DLG2: variants seen among roughly 807,000 people sequenced by gnomAD.
The protein encoded by DLG2 is disks large homolog 2.
A neutral mutation model predicts 132.5 loss-of-function variants in DLG2; 45 were observed. The observed-to-expected ratio is 0.34, with a 90% CI of 0.27 to 0.44. The LOEUF (loss-of-function observed/expected upper bound fraction) is 0.44, where lower values mean the gene tolerates loss of function less well. Ranked by LOEUF, DLG2 falls within the 20% of genes least tolerant of loss-of-function variation. The pLI, the probability that DLG2 is intolerant of heterozygous loss-of-function variation, is 1.00. For synonymous variants in DLG2, 424 were observed against 419.6 expected (o/e 1.01, Z -0.13); for missense variants, 1,045 against 1,196.9 (o/e 0.87, Z 1.87).
rs189631839 is a variant in DLG2, at chr11:85,275,062, T to C, written c.186+10158A>G. ...AGGCTCCTATATCACATGAAAATTT[T>C]ATCAAATAAATTTGTATGCCTTTTC... On this transcript the variant is annotated intron_variant, in intron 4 of 27. Transcript: ENST00000376104. 1.4e-4 allele frequency among the ~76,000 whole-genome samples: 21 copies of C among 152,326 alleles called. 1 individual carries two copies. The highest frequency in any genetic ancestry group is 4.1e-4 in the African/African-American group (17 of 41,580).
chr11:83,552,164 A>C (rs1198120739), intron 19 of DLG2, among the ~76,000 whole-genome samples: 2 of 152,180 alleles, frequency 1.3e-5, no homozygotes, highest in African/African-American at 4.8e-5. Context: ...ATAGGTTAGG[A>C]GTTGATTGTT....
chr11:83,459,312 A>G lies in DLG2; in HGVS notation c.*506T>C, dbSNP rs4533060. On this transcript the variant is annotated 3_prime_UTR_variant, in exon 28 of 28. Coordinates refer to ENST00000376104, the MANE Select transcript of DLG2 (RefSeq NM_001142699.3). ...ACTTATCCTTCCCTGATAGTATGTC[A>G]TCTCCAAAGGGATTCCTTTCTTTTT... 151,439 of 152,934 alleles carry G rather than the reference A, an allele frequency of 0.99. 74,983 individuals are homozygous for G. Among genetic ancestry groups the G allele is most frequent in the Middle Eastern group, 1 (294 of 294 alleles). The allele number at this position is 152,934 out of a possible 1,614,324, so 9.5% of individuals were successfully genotyped here. A position where few individuals can be genotyped will look rare whatever the true frequency, so the allele number is the denominator to read the frequency against.
At chr11:84,511,155 A>T (rs1318233631) in intron 7 of DLG2, among the ~76,000 whole-genome samples, 3 of 152,124 alleles carry the variant, frequency 2.0e-5, no homozygotes, top group Non-Finnish European at 4.4e-5. Context: ...GATAATGCAT[A>T]AAGAGAGGAT....
intron 6 of DLG2, among the ~76,000 whole-genome samples, chr11:84,599,339 A>T (rs2099570579): frequency 6.6e-6 from 1 of 152,188 alleles, no homozygotes; most frequent in Non-Finnish European, 1.5e-5. Context: ...ATATGTCAGC[A>T]TCCATAAGCG....
intron 18 of DLG2, among the ~76,000 whole-genome samples, chr11:83,781,126 T>G (rs1280489019): frequency 2.6e-5 from 4 of 152,208 alleles, no homozygotes; most frequent in Admixed American, 6.5e-5. Flanking sequence ...AATAATTCAT[T>G]TCTTCCTTCA....
intron 6 of DLG2, among the ~76,000 whole-genome samples, chr11:84,836,783 A>G (rs1210034079): frequency 1.3e-5 from 2 of 151,892 alleles, no homozygotes; most frequent in Non-Finnish European, 2.9e-5. Flanking sequence ...GTTGTTAAAA[A>G]TCAGTAATAT....
chr11:84,903,435 T>C (rs1027050602), intron 6 of DLG2, among the ~76,000 whole-genome samples: 2 of 152,076 alleles, frequency 1.3e-5, no homozygotes, highest in African/African-American at 4.8e-5. Flanking sequence ...TCCTATAGAG[T>C]ATGCTTACAT....
chr11:84,827,676 C>CAAAA (rs398016953), intron 6 of DLG2, among the ~76,000 whole-genome samples: 651 of 35,076 alleles, frequency 0.019, 110 homozygotes, highest in African/African-American at 0.076. Context: ...TACATACAGT[C>CAAAA]AAAAAAAAAA....
At chr11:84,751,176 G>T (rs1045867948) in intron 6 of DLG2, among the ~76,000 whole-genome samples, 10 of 152,072 alleles carry the variant, frequency 6.6e-5, no homozygotes, top group African/African-American at 2.4e-4. Context: ...CAGACTTAAA[G>T]TTCCAAGTCA....
At chr11:84,222,874 A>C (rs892196167) in intron 8 of DLG2, among the ~76,000 whole-genome samples, 1 of 152,210 alleles carries the variant, frequency 6.6e-6, no homozygotes, top group Non-Finnish European at 1.5e-5. Flanking sequence ...GCAAATGAAC[A>C]AAAAAAGTGA....
At chr11:85,010,831 A>G (rs2154135186) in intron 6 of DLG2, among the ~76,000 whole-genome samples, 1 of 152,318 alleles carries the variant, frequency 6.6e-6, no homozygotes, top group Non-Finnish European at 1.5e-5. Flanking sequence ...CCGCAAAACA[A>G]AAACCATCCA....
At chr11:84,518,835 C>A (rs1291216503) in intron 7 of DLG2, among the ~76,000 whole-genome samples, 2 of 152,024 alleles carry the variant, frequency 1.3e-5, no homozygotes, top group Non-Finnish European at 1.5e-5. Context: ...GCTCTGGATC[C>A]AAATCAAAGC....
chr11:85,396,767 A>G (rs1289927004), intron 3 of DLG2, among the ~76,000 whole-genome samples: 2 of 152,200 alleles, frequency 1.3e-5, no homozygotes, highest in Non-Finnish European at 2.9e-5. Context: ...TCCAAGAAAT[A>G]TGGGACTACG....
intron 6 of DLG2, among the ~76,000 whole-genome samples, chr11:85,048,181 T>C (rs1267403422): frequency 6.6e-6 from 1 of 151,948 alleles, no homozygotes; most frequent in Non-Finnish European, 1.5e-5. Flanking sequence ...TGTCAAACTG[T>C]CAGACTAAAA....
chr11:83,695,687 C>T (rs555453116), intron 18 of DLG2, among the ~76,000 whole-genome samples: 6 of 152,020 alleles, frequency 3.9e-5, no homozygotes, highest in Non-Finnish European at 8.8e-5. Flanking sequence ...TGCAGTGAGC[C>T]GAGATGGTGC....
chr11:83,590,669 C>A (rs1400747972), intron 19 of DLG2, among the ~76,000 whole-genome samples: 6 of 152,148 alleles, frequency 3.9e-5, no homozygotes, highest in Admixed American at 1.3e-4. Context: ...ATAGAGACAC[C>A]AAAAACCCTT....
intron 6 of DLG2, among the ~76,000 whole-genome samples, chr11:85,077,445 A>C (rs1158960061): frequency 6.6e-6 from 1 of 152,030 alleles, no homozygotes; most frequent in Non-Finnish European, 1.5e-5. Flanking sequence ...TTTGGCAATA[A>C]AATTTCCAAG....
intron 6 of DLG2, among the ~76,000 whole-genome samples, chr11:85,070,074 G>A (rs569961974): frequency 2.0e-5 from 3 of 151,930 alleles, no homozygotes; most frequent in Admixed American, 2.0e-4. Context: ...AACACCGCAT[G>A]TTCTCACTCA....
At chr11:84,843,704 C>A (rs1202792627) in intron 6 of DLG2, among the ~76,000 whole-genome samples, 1 of 151,698 alleles carries the variant, frequency 6.6e-6, no homozygotes, top group East Asian at 1.9e-4. Flanking sequence ...GATGGTAATG[C>A]TATGGAAATA....
Sources: allele counts gnomAD v4.1 joint callset (sites outside exome capture counted in the v4.1 genomes callset), GRCh38; gene constraint gnomAD v4.1.1; transcripts MANE v1.5; gene names NCBI Gene and HGNC (gene_info 2026-07-23, HGNC 2026-07-21).